TMEM132A: variants seen among roughly 807,000 people sequenced by gnomAD.
TMEM132A encodes GRP78-binding protein.
In TMEM132A, 48 loss-of-function variants were observed where a neutral mutation model predicts 69.9. The observed-to-expected ratio is 0.69, with a 90% CI of 0.55 to 0.87. The LOEUF (loss-of-function observed/expected upper bound fraction) is 0.87, where lower values mean the gene tolerates loss of function less well. Among genes scored for constraint, TMEM132A ranks in the 40% least tolerant of loss-of-function variants. The pLI, the probability that TMEM132A is intolerant of heterozygous loss-of-function variation, is 0.00. For missense variants in TMEM132A, 1,287 were observed against 1,407.2 expected (o/e 0.91, Z 1.37); for synonymous variants, 577 against 613.7 (o/e 0.94, Z 0.88).
chr11:60,924,617 C>T lies in TMEM132A; in HGVS notation c.-17C>T. ...CCACCTGAGCCGCCCGCCTCGTCCC[C>T]GCCTTCTGTGGGAAGGATGTGCGCG... On this transcript the variant is annotated 5_prime_UTR_variant, in exon 1 of 11. Coordinates refer to ENST00000453848, the MANE Select transcript of TMEM132A (RefSeq NM_178031.3). 2.5e-6 allele frequency: 4 copies of T among 1,582,596 alleles called. No homozygotes were observed. Among genetic ancestry groups the T allele is most frequent in the Non-Finnish European group, 2.6e-6 (3 of 1,170,776 alleles).
At chr11:60,929,690 G>A (rs2023853) in intron 4 of TMEM132A, among the ~76,000 whole-genome samples, 49,097 of 151,864 alleles carry the variant, frequency 0.32, 8,917 homozygotes, top group Middle Eastern at 0.4. Context: ...ATCGAAGAGC[G>A]GTCTGTGGAC....
rs1017739598 is a variant in TMEM132A at position 60,933,507 on chromosome 11, C to T, written c.1357-35C>T. 1.9e-6 allele frequency: 3 copies of T among 1,575,452 alleles called. No homozygotes were observed. In the African/African-American group the frequency reaches 4.0e-5, roughly 21 times the overall value. On this transcript the variant is annotated intron_variant, in intron 7 of 10. Transcript: ENST00000453848. ...CCAGCCTCACACCTGTCTTTAGTGG[C>T]TTAGCCCGCCCACCTGCCCTCTGCC...
At chr11:60,933,174 CTT>C (rs11291748) in intron 7 of TMEM132A, 3,183 of 166,780 alleles carry the variant, frequency 0.019, no homozygotes, top group East Asian at 0.06. Flanking sequence ...TGGCCCATGC[CTT>C]TTTTTTTTTT....
At chr11:60,927,473 T>C in intron 2 of TMEM132A, 55 bp downstream of exon 2, 1 of 1,530,486 alleles carries the variant, frequency 6.5e-7, no homozygotes, top group Non-Finnish European at 8.9e-7. Flanking sequence ...GCCTGAGGTC[T>C]GCTGGGTACA....
chr11:60,934,589 T>C lies in TMEM132A; in HGVS notation c.1661T>C (p.Phe554Ser), dbSNP rs1408834876. 6.4e-7 allele frequency: 1 copy of C among 1,562,232 alleles called. No homozygotes were observed. The highest frequency in any genetic ancestry group is 8.6e-7 in the Non-Finnish European group (1 of 1,162,838). ...GCCGGTGTGCGCTTCCTCGCCCCCTTCGCGGCCCACCCGCTGGACGGCGGC... is the reference window on the plus strand; with the variant it reads ...GCCGGTGTGCGCTTCCTCGCCCCCTCCGCGGCCCACCCGCTGGACGGCGGC... ...QRAGVRFLAP[F>S]AAHPLDGGRR... The change falls in exon 9 of 11, where the codon TTC becomes TCC. Residue 554 changes from phenylalanine to serine, a missense_variant. Transcript: ENST00000453848.
At position 60,935,555 on chromosome 11, in the gene TMEM132A, G is replaced by A; in HGVS notation, c.2028+112G>A. On this transcript the variant is annotated intron_variant, in intron 10 of 10. Coordinates refer to ENST00000453848, the MANE Select transcript of TMEM132A (RefSeq NM_178031.3). This position sits in a 1 kb window ranked among gnomAD's most constrained non-coding sequence, Gnocchi z 5.0. ...ACCTCGACCCCTTAGGGTTTTCAGA[G>A]TGAGGACTGACTCTGTGAGGTAGTG... The A allele has an allele frequency of 8.6e-6, 10 of 1,163,928 alleles. No homozygotes were observed. Among genetic ancestry groups the A allele is most frequent in the Non-Finnish European group, 1.2e-5 (10 of 827,692 alleles). 72.1% of individuals were successfully genotyped at this position (1,163,928 alleles called of 1,614,324 possible). A position where few individuals can be genotyped will look rare whatever the true frequency, so the allele number is the denominator to read the frequency against.
At chr11:60,932,228 G>A in intron 7 of TMEM132A, 101 bp downstream of exon 7, 2 of 1,379,152 alleles carry the variant, frequency 1.5e-6, no homozygotes, top group Non-Finnish European at 9.5e-7. Context: ...CAAGAGAACA[G>A]CTTCTTCTTG....
chr11:60,924,844 G>A (rs1485551462), intron 1 of TMEM132A, 111 bp downstream of exon 1: 13 of 796,608 alleles, frequency 1.6e-5, no homozygotes, highest in Non-Finnish European at 2.4e-5. Flanking sequence ...CCCTGAGCGG[G>A]GTCGCCCCGC....
In TMEM132A at chr11:60,936,475, T is replaced by G. The variant is rs756912602; in HGVS notation, c.2640T>G (p.Pro880=). The stretch of plus-strand genomic sequence containing the variant: ...TCCTGCGCTATCAGCGCAAAGAACC[T>G]CCCGACAGTGCCACTGACCCCACCT... The part of the protein sequence containing the change: ...VFVLRYQRKE[P]PDSATDPTSP... The change falls in exon 11 of 11, where the codon CCT becomes CCG. Residue 880 remains proline (P), a synonymous_variant. Coordinates refer to ENST00000453848, the MANE Select transcript of TMEM132A (RefSeq NM_178031.3). 3 of 1,614,014 alleles carry G rather than the reference T, an allele frequency of 1.9e-6. No individual in the cohort carries two copies. In the South Asian group the frequency reaches 3.3e-5, roughly 18 times the overall value.
rs1439879211 is a variant in TMEM132A, at chr11:60,935,889, C to G, written c.2054C>G (p.Ser685Cys). The G allele has an allele frequency of 6.2e-7, 1 of 1,611,964 alleles. No individual in the cohort carries two copies. Among genetic ancestry groups the G allele is most frequent in the Non-Finnish European group, 8.5e-7 (1 of 1,180,000 alleles). ...KQEVALSLWL[S>C]FSDHTVAPAE... is the part of the protein sequence containing the mutation. ...GAGGTGGCCCTCTCCCTATGGCTGT[C>G]CTTCTCTGATCACACTGTGGCCCCA... The change falls in exon 11 of 11, where the codon TCC becomes TGC. Residue 685 changes from serine to cysteine, a missense_variant. By Grantham distance (112) the Ser-to-Cys change is moderately radical. Transcript: ENST00000453848. This position sits in a 1 kb window ranked among gnomAD's most constrained non-coding sequence, Gnocchi z 5.0.
At position 60,935,183 on chromosome 11, in the gene TMEM132A, C is replaced by T; in HGVS notation, c.1837-69C>T. On this transcript the variant is annotated intron_variant, in intron 9 of 10. Coordinates refer to ENST00000453848, the MANE Select transcript of TMEM132A (RefSeq NM_178031.3). This position sits in a 1 kb window ranked among gnomAD's most constrained non-coding sequence, Gnocchi z 5.0. Reference sequence around the variant, plus strand: ...GCAGCCCGTGAGGGTGCTGGGAGCACCCGGTTCCCTCTGGGTGGGGGCTGT... The same window carrying T: ...GCAGCCCGTGAGGGTGCTGGGAGCATCCGGTTCCCTCTGGGTGGGGGCTGT... 2 of 1,475,262 alleles carry T rather than the reference C, an allele frequency of 1.4e-6. No homozygotes were observed. The highest frequency in any genetic ancestry group is 9.2e-7 in the Non-Finnish European group (1 of 1,084,900). 91.4% of individuals were successfully genotyped at this position (1,475,262 alleles called of 1,614,324 possible). A position where few individuals can be genotyped will look rare whatever the true frequency, so the allele number is the denominator to read the frequency against.
At chr11:60,927,489 G>A in intron 2 of TMEM132A, 71 bp downstream of exon 2, 4 of 1,491,244 alleles carry the variant, frequency 2.7e-6, no homozygotes, top group Non-Finnish European at 3.6e-6. Flanking sequence ...GTACAAATTG[G>A]GAGCCTTCCC....
In TMEM132A at chr11:60,927,245, G is replaced by A. The variant is rs373548195; in HGVS notation, c.142G>A (p.Ala48Thr). ...TCCCCTGGACCCTGTCTACCTGCCG[G>A]CAGCCCTGGAGCTCCTAGACGCCCC... is the stretch of plus-strand genomic sequence containing the variant. ...QAPLDPVYLP[A>T]ALELLDAPEH... The change falls in exon 2 of 11, where the codon GCA becomes ACA. Residue 48 changes from alanine to threonine, a missense_variant. Physicochemically the swap from Ala to Thr is moderately conservative, Grantham distance 58. Coordinates refer to ENST00000453848, the MANE Select transcript of TMEM132A (RefSeq NM_178031.3). The A allele has an allele frequency of 6.2e-7, 1 of 1,613,418 alleles. No homozygotes were observed. The highest frequency in any genetic ancestry group is 8.5e-7 in the Non-Finnish European group (1 of 1,180,012).
intron 4 of TMEM132A, among the ~76,000 whole-genome samples, chr11:60,929,382 C>T (rs1292143650): frequency 2.0e-5 from 3 of 152,218 alleles, no homozygotes; most frequent in Non-Finnish European, 4.4e-5. Context: ...TTGCCACCCT[C>T]GCCGTAGGAG....
intron 1 of TMEM132A, among the ~76,000 whole-genome samples, chr11:60,926,838 G>A (rs1411723116): frequency 1.3e-5 from 2 of 152,148 alleles, no homozygotes; most frequent in Non-Finnish European, 2.9e-5. Context: ...CCAGTCTGCC[G>A]ACGGTTGCAC....
rs781446423 is a variant in TMEM132A, at chr11:60,935,985, C to A, written c.2150C>A (p.Ala717Asp). ...SAEEPGAILPAEEQGAQLGVV... is the reference protein window; with the variant it reads ...SAEEPGAILPDEEQGAQLGVV... ...GAGGAGCCTGGTGCCATCCTGCCAG[C>A]TGAGGAGCAGGGTGCCCAGCTCGGG... is the stretch of plus-strand genomic sequence containing the variant. The change falls in exon 11 of 11, where the codon GCT becomes GAT. Residue 717 changes from alanine to aspartate, a missense_variant. Coordinates refer to ENST00000453848, the MANE Select transcript of TMEM132A (RefSeq NM_178031.3). This position sits in a 1 kb window ranked among gnomAD's most constrained non-coding sequence, Gnocchi z 5.0. 3.1e-6 allele frequency: 5 copies of A among 1,610,350 alleles called. No individual in the cohort carries two copies. In the South Asian group the frequency reaches 4.4e-5, roughly 14 times the overall value.
In TMEM132A at chr11:60,936,251, G is replaced by T. The variant is rs772777798; in HGVS notation, c.2416G>T (p.Gly806Cys). ...QVAGSVGGNT[G>C]VRGKFERAEE... ...GGCAGGCAGTGTCGGGGGCAACACAGGTGTGAGGGGCAAGTTTGAGCGGGC... is the reference window on the plus strand; with the variant it reads ...GGCAGGCAGTGTCGGGGGCAACACATGTGTGAGGGGCAAGTTTGAGCGGGC... The change falls in exon 11 of 11, where the codon GGT becomes TGT. Residue 806 changes from glycine to cysteine, a missense_variant. Gly to Cys is a radical substitution (Grantham distance 159). Transcript: ENST00000453848. 32 of 1,613,984 alleles carry T rather than the reference G, an allele frequency of 2.0e-5. 1 individual carries two copies. In the South Asian group the frequency reaches 3.5e-4, roughly 18 times the overall value.
In TMEM132A at chr11:60,931,822, A is replaced by T; in HGVS notation, c.1150A>T (p.Lys384Ter). ...PGQAPEAEKD[K>*]MVWEILVSER... ...CCAGGCCCCTGAAGCAGAGAAGGAC[A>T]AAATGGTGTGGGAAATCCTGGTGTC... The change falls in exon 6 of 11, where the codon AAA becomes TAA. Residue 384 changes from lysine to a stop codon, truncating the protein, a stop_gained. Coordinates refer to ENST00000453848, the MANE Select transcript of TMEM132A (RefSeq NM_178031.3). LOFTEE classifies it high-confidence loss of function. The T allele has an allele frequency of 6.2e-7, 1 of 1,614,256 alleles. No homozygotes were observed. Among genetic ancestry groups the T allele is most frequent in the Non-Finnish European group, 8.5e-7 (1 of 1,180,040 alleles).
intron 4 of TMEM132A, among the ~76,000 whole-genome samples, chr11:60,929,277 G>T (rs1201128424): frequency 6.6e-6 from 1 of 152,212 alleles, no homozygotes; most frequent in East Asian, 1.9e-4. Flanking sequence ...CCCGCAAAGG[G>T]CTTAGAGACT....
Sources: allele counts gnomAD v4.1 joint callset (sites outside exome capture counted in the v4.1 genomes callset), GRCh38; gene constraint gnomAD v4.1.1; non-coding constraint Gnocchi (gnomAD v3.1); transcripts MANE v1.5; gene names NCBI Gene and HGNC (gene_info 2026-07-23, HGNC 2026-07-21).